Variants in BMS1 observed in about 807,000 individuals in gnomAD.
The protein encoded by BMS1 is ribosome biogenesis protein BMS1 homolog.
In BMS1, 53 loss-of-function variants were observed where a neutral mutation model predicts 138.7. The observed-to-expected ratio is 0.38, with a 90% CI of 0.31 to 0.48. BMS1 has a LOEUF of 0.48. BMS1 is among the 20% of genes least tolerant of loss of function. BMS1 has a pLI of 0.97. For synonymous variants in BMS1, 504 were observed against 539.9 expected (o/e 0.93, Z 0.92); for missense variants, 1,360 against 1,565.5 (o/e 0.87, Z 2.22).
At chr10:42,796,380 C>T in intron 9 of BMS1, 94 bp from the exon 10 acceptor site, 1 of 1,316,410 alleles carries the variant, frequency 7.6e-7, no homozygotes, top group Non-Finnish European at 1.0e-6. Context: ...TTGACATTTT[C>T]TATTTCTTTG....
intron 11 of BMS1, 27 bp downstream of exon 11, chr10:42,797,550 A>AC: frequency 6.2e-7 from 1 of 1,603,476 alleles, no homozygotes; most frequent in Non-Finnish European, 8.5e-7. Context: ...CAGAACTAGA[A>AC]ATGTTTTAGT....
At chr10:42,798,766 G>A in intron 12 of BMS1, 141 bp downstream of exon 12, 1 of 1,204,428 alleles carries the variant, frequency 8.3e-7, no homozygotes. Context: ...ATATTGTAGT[G>A]GGCGCTTCAT....
chr10:42,803,197 T>A (rs1444055216), intron 13 of BMS1, among the ~76,000 whole-genome samples: 2 of 152,126 alleles, frequency 1.3e-5, no homozygotes, highest in African/African-American at 4.8e-5. Context: ...GTACAGACAG[T>A]CTTTTTATGT....
At chr10:42,812,445 C>T (rs112516278) in intron 13 of BMS1, among the ~76,000 whole-genome samples, 9,755 of 152,230 alleles carry the variant, frequency 0.064, 458 homozygotes, top group Non-Finnish European at 0.092. Context: ...CGGCCTCCGC[C>T]TAGTTTTAAC....
At chr10:42,805,199 T>C (rs1412710951) in intron 13 of BMS1, among the ~76,000 whole-genome samples, 1 of 152,206 alleles carries the variant, frequency 6.6e-6, no homozygotes, top group Non-Finnish European at 1.5e-5. Context: ...AGGTTCCTTT[T>C]GACATATTGA....
rs1472968415 is a variant in BMS1, at chr10:42,834,905, A to G, written c.*3809A>G. The G allele has an allele frequency of 6.6e-6, 1 of 152,138 alleles. No homozygotes were observed. The highest frequency in any genetic ancestry group is 1.9e-4 in the East Asian group (1 of 5,190). The allele number at this position is 152,138 out of a possible 1,614,324, so 9.4% of individuals were successfully genotyped here. A position where few individuals can be genotyped will look rare whatever the true frequency, so the allele number is the denominator to read the frequency against. On this transcript the variant is annotated 3_prime_UTR_variant, in exon 23 of 23. Coordinates refer to ENST00000374518, the MANE Select transcript of BMS1 (RefSeq NM_014753.4). ...TCCAATTTTTGTTTTGTGATAAAAT[A>G]TGCATAATAAAACTTATTTTATCAA...
chr10:42,811,520 C>CTTTTTT lies in BMS1; in HGVS notation c.2330-5074_2330-5073insTTTTTT, dbSNP rs879940551. Among the ~76,000 whole-genome samples the CTTTTTT allele has an allele frequency of 3.4e-3, 408 of 121,494 alleles. 52 individuals are homozygous for CTTTTTT. Among genetic ancestry groups the CTTTTTT allele is most frequent in the Middle Eastern group, 0.015 (3 of 202 alleles). The allele number at this position is 121,494 out of a possible 152,430, so 79.7% of individuals were successfully genotyped here. A position where few individuals can be genotyped will look rare whatever the true frequency, so the allele number is the denominator to read the frequency against. On this transcript the variant is annotated intron_variant, in intron 13 of 22. Transcript: ENST00000374518. ...CACAAATGTTCACGTGTTGTATTTT[C>CTTTTTT]TTTTTCTTTTTTTTTTTTTTTTGAG...
At chr10:42,807,021 C>G (rs1473163572) in intron 13 of BMS1, among the ~76,000 whole-genome samples, 1 of 152,120 alleles carries the variant, frequency 6.6e-6, no homozygotes, top group East Asian at 1.9e-4. Context: ...ATGTAGATTT[C>G]TCCAGTTTCA....
intron 22 of BMS1, 138 bp from the exon 23 acceptor site, chr10:42,830,728 T>A (rs1015645176): frequency 1.2e-6 from 1 of 812,396 alleles, no homozygotes; most frequent in Non-Finnish European, 1.9e-6. Context: ...ATGCCAACAA[T>A]GACTTCCTAG....
In BMS1 at chr10:42,793,199, A is replaced by G. The variant is rs1263004635; in HGVS notation, c.1089+55A>G. On this transcript the variant is annotated intron_variant, in intron 8 of 22. Transcript: ENST00000374518. ...AACTTTCAGTATTCTTTCTGAATCT[A>G]TTTTTTAATCACAAAAAGTAATGTA... The G allele has an allele frequency of 4.0e-6, 6 of 1,493,388 alleles. No homozygotes were observed. The African/African-American group carries it at 4.2e-5, about 11-fold the overall frequency. The allele number at this position is 1,493,388 out of a possible 1,614,324, so 92.5% of individuals were successfully genotyped here.
intron 13 of BMS1, among the ~76,000 whole-genome samples, chr10:42,807,315 G>A (rs1842041188): frequency 6.6e-6 from 1 of 152,090 alleles, no homozygotes; most frequent in Non-Finnish European, 1.5e-5. Flanking sequence ...TTTGTGAGGG[G>A]CTTTTTTCAC....
chr10:42,817,620 G>A (rs1047016590), intron 15 of BMS1, 126 bp downstream of exon 15: 18 of 899,020 alleles, frequency 2.0e-5, no homozygotes, highest in African/African-American at 8.6e-5. Flanking sequence ...CCTTTCATTC[G>A]GACTCCTGGG....
chr10:42,814,611 A>G (rs111802675), intron 13 of BMS1, among the ~76,000 whole-genome samples: 1 of 152,042 alleles, frequency 6.6e-6, no homozygotes, highest in Non-Finnish European at 1.5e-5. Flanking sequence ...CAGTCCTCCT[A>G]TTTGGGTTTA....
chr10:42,806,690 G>A (rs1331511611), intron 13 of BMS1, among the ~76,000 whole-genome samples: 9 of 147,596 alleles, frequency 6.1e-5, no homozygotes, highest in African/African-American at 1.3e-4. Flanking sequence ...AGCTGAGATC[G>A]CGCCACTGTA....
At chr10:42,817,844 C>A (rs1341587815) in intron 15 of BMS1, among the ~76,000 whole-genome samples, 1 of 152,210 alleles carries the variant, frequency 6.6e-6, no homozygotes, top group Non-Finnish European at 1.5e-5. Context: ...CTATTCCAAT[C>A]GCTGCTCCCT....
chr10:42,834,523 CCTT>C lies in BMS1; in HGVS notation c.*3428_*3430del, dbSNP rs1842844280. 6.6e-6 allele frequency: 1 copy of C among 151,708 alleles called. No homozygotes were observed. The highest frequency in any genetic ancestry group is 2.4e-5 in the African/African-American group (1 of 41,270). 9.4% of individuals were successfully genotyped at this position (151,708 alleles called of 1,614,324 possible). Reference sequence around the variant, plus strand: ...AGGACATTGTATTTTACTTGTGTCTCCTTAGTTTTACCTAGTTTATTTCATGGT... The same window carrying C: ...AGGACATTGTATTTTACTTGTGTCTCAGTTTTACCTAGTTTATTTCATGGT... On this transcript the variant is annotated 3_prime_UTR_variant, in exon 23 of 23. Transcript: ENST00000374518.
At chr10:42,823,040 A>C in intron 19 of BMS1, 78 bp from the exon 20 acceptor site, 3 of 1,312,442 alleles carry the variant, frequency 2.3e-6, no homozygotes, top group Non-Finnish European at 3.0e-6. Flanking sequence ...TTAATCAAGG[A>C]TGTATGTTTG....
chr10:42,823,333 G>T (rs769231961), intron 20 of BMS1, 68 bp downstream of exon 20: 11 of 1,482,700 alleles, frequency 7.4e-6, no homozygotes, highest in Non-Finnish European at 9.9e-6. Flanking sequence ...CCAGTGTGAC[G>T]AGAGGCTGGA....
rs558582568 is a variant in BMS1 at position 42,826,482 on chromosome 10, G to GC, written c.3456+2699dup. Reference sequence around the variant, plus strand: ...AGCATCTCAGTCTCTACGAGGCCAGGCGCAGCATCAGCAAGGACCCCAGAA... The same window carrying GC: ...AGCATCTCAGTCTCTACGAGGCCAGGCCGCAGCATCAGCAAGGACCCCAGAA... On this transcript the variant is annotated intron_variant, in intron 21 of 22. Transcript: ENST00000374518. 3.3e-5 allele frequency among the ~76,000 whole-genome samples: 5 copies of GC among 152,274 alleles called. No homozygotes were observed. The South Asian group carries it at 1.0e-3, about 32-fold the overall frequency.
Sources: gnomAD v4.1 joint callset for allele counts (sites outside exome capture counted in the v4.1 genomes callset) on GRCh38, gnomAD v4.1.1 for gene constraint, MANE v1.5 for transcripts, NCBI Gene and HGNC (gene_info 2026-07-23, HGNC 2026-07-21) for gene names.